Variants in ANXA7 observed in about 807,000 individuals in gnomAD.
The protein encoded by ANXA7 is annexin VII.
In ANXA7, 55 loss-of-function variants were observed where a neutral mutation model predicts 64.9. The observed-to-expected ratio is 0.85, with a 90% CI of 0.68 to 1.06. The LOEUF (loss-of-function observed/expected upper bound fraction) is 1.06, where lower values mean the gene tolerates loss of function less well. ANXA7 is among the 50% of genes least tolerant of loss of function. The probability of loss-of-function intolerance (pLI) is 0.00; values close to 1 mark genes in which losing one functional copy is unlikely to be tolerated. For missense variants in ANXA7, 548 were observed against 582.1 expected, an observed-to-expected ratio of 0.94 and a Z score of 0.60; for synonymous variants, 200 against 192.4, an observed-to-expected ratio of 1.04 and a Z score of -0.33.
At chr10:73,413,596 T>C (rs1350928723) in intron 1 of ANXA7, among the ~76,000 whole-genome samples, 1 of 152,176 alleles carries the variant, frequency 6.6e-6, no homozygotes, top group African/African-American at 2.4e-5. Context: ...AGTAAAAATT[T>C]CCCCAAGTTT....
intron 11 of ANXA7, among the ~76,000 whole-genome samples, chr10:73,379,327 C>T (rs1206982247): frequency 6.6e-6 from 1 of 152,132 alleles, no homozygotes; most frequent in East Asian, 1.9e-4. Context: ...CTGCCCCTGG[C>T]CCAACATTCC....
rs773991859 is a variant in ANXA7, at chr10:73,398,305, G to T, written c.135C>A (p.Ala45=). The T allele has an allele frequency of 1.2e-6, 2 of 1,614,110 alleles. No individual in the cohort carries two copies. The highest frequency in any genetic ancestry group is 4.5e-5 in the East Asian group (2 of 44,886). ...AGCCACTACTTGGCACTTGTGGGTA[G>T]GCACCTCCTCCCATTGGAGGAAAGC... is the stretch of plus-strand genomic sequence containing the variant. ...PSGFPPMGGG[A]YPQVPSSGYP... The change falls in exon 3 of 13, where the codon GCC becomes GCA. Residue 45 remains alanine (A), a synonymous_variant. Transcript: ENST00000372921.
chr10:73,380,325 G>C (rs1344374890), intron 9 of ANXA7, 124 bp from the exon 10 acceptor site: 1 of 935,528 alleles, frequency 1.1e-6, no homozygotes, highest in Admixed American at 2.8e-5. Context: ...ATAGGGTCTT[G>C]CTCTGTCACT....
chr10:73,403,501 AAAC>A (rs958497599), intron 1 of ANXA7, among the ~76,000 whole-genome samples: 5 of 152,156 alleles, frequency 3.3e-5, no homozygotes, highest in African/African-American at 1.2e-4. Flanking sequence ...AAAAAAAACA[AAAC>A]AACAACAACA....
chr10:73,386,747 C>T (rs2055379769), intron 7 of ANXA7, among the ~76,000 whole-genome samples: 1 of 152,074 alleles, frequency 6.6e-6, no homozygotes, highest in Admixed American at 6.6e-5. Flanking sequence ...AGCTCACTAA[C>T]AGCCTGACTT....
chr10:73,380,050 G>A lies in ANXA7; in HGVS notation c.1070C>T (p.Thr357Ile), dbSNP rs140458476. Reference sequence around the variant, plus strand: ...TCATACCCTAGAATAAGCCTCCATGGTAGCTCTCAGCTGAGGAAAGCTTCT... The same window carrying A: ...TCATACCCTAGAATAAGCCTCCATGATAGCTCTCAGCTGAGGAAAGCTTCT... ...ATRSFPQLRA[T>I]MEAYSRMANR... Residue 357 changes from threonine (T) to isoleucine (I), a missense_variant, in exon 10 of 13, where the codon ACC becomes ATC. Thr to Ile is a moderately conservative substitution (Grantham distance 89). Coordinates refer to ENST00000372921, the MANE Select transcript of ANXA7 (RefSeq NM_001156.5). 2 of 1,614,028 alleles carry A rather than the reference G, an allele frequency of 1.2e-6. No homozygotes were observed. The highest frequency in any genetic ancestry group is 2.7e-5 in the African/African-American group (2 of 75,018).
chr10:73,389,966 G>T (rs79708615), intron 5 of ANXA7, among the ~76,000 whole-genome samples: 15,917 of 152,066 alleles, frequency 0.1, 1,205 homozygotes, highest in East Asian at 0.3. Context: ...GGCTTAAGAG[G>T]GATGGGATGA....
In ANXA7 at chr10:73,380,149, G is replaced by A. The variant is rs752022153; in HGVS notation, c.971C>T (p.Ala324Val). 2 of 1,614,076 alleles carry A rather than the reference G, an allele frequency of 1.2e-6. No homozygotes were observed. Among genetic ancestry groups the A allele is most frequent in the Non-Finnish European group, 1.7e-6 (2 of 1,180,004 alleles). The change falls in exon 10 of 13, where the codon GCT (alanine) becomes GTT (valine). Residue 324 changes from alanine to valine, a missense_variant. Coordinates refer to ENST00000372921, the MANE Select transcript of ANXA7 (RefSeq NM_001156.5). ...CTCACCAGCTTGATAGAGACGCTGA[G>A]CATCTTCCTGAGCCATTTGGTGGTT... ...SINHQMAQED[A>V]QRLYQAGEGR...
intron 4 of ANXA7, 122 bp downstream of exon 4, chr10:73,397,041 AT>A (rs2055586915): frequency 2.1e-6 from 1 of 484,252 alleles, no homozygotes; most frequent in Non-Finnish European, 3.6e-6. Flanking sequence ...TATGTTTAAA[AT>A]TATTTATGGA....
chr10:73,406,732 G>C (rs1229553954), intron 1 of ANXA7, among the ~76,000 whole-genome samples: 2 of 151,854 alleles, frequency 1.3e-5, no homozygotes, highest in East Asian at 3.9e-4. Flanking sequence ...ACCATACCTG[G>C]CTAATTTTTT....
At chr10:73,405,363 G>A (rs895000136) in intron 1 of ANXA7, among the ~76,000 whole-genome samples, 25 of 150,998 alleles carry the variant, frequency 1.7e-4, no homozygotes, top group South Asian at 2.1e-4. Flanking sequence ...CCAACATGGT[G>A]AAACCCTGTC....
chr10:73,387,850 T>A, intron 6 of ANXA7, 67 bp from the exon 7 acceptor site: 1 of 953,408 alleles, frequency 1.0e-6, no homozygotes, highest in Non-Finnish European at 1.5e-6. Context: ...GGTCATCTTT[T>A]TTTTTTTTTT....
At chr10:73,396,363 G>C (rs553860996) in intron 5 of ANXA7, among the ~76,000 whole-genome samples, 156 bp downstream of exon 5, 1 of 152,148 alleles carries the variant, frequency 6.6e-6, no homozygotes, top group Admixed American at 6.5e-5. Context: ...TAAAGCAGAT[G>C]GACCAAAGAA....
intron 5 of ANXA7, among the ~76,000 whole-genome samples, chr10:73,391,210 C>A (rs945844620): frequency 1.3e-5 from 2 of 150,710 alleles, no homozygotes; most frequent in African/African-American, 4.9e-5. Flanking sequence ...GATCTGTGTT[C>A]TTGAGGTTAA....
At chr10:73,395,979 G>T in intron 5 of ANXA7, 1 of 995,062 alleles carries the variant, frequency 1.0e-6, no homozygotes, top group Non-Finnish European at 1.6e-6. Context: ...AAGTACATGA[G>T]AATCAGAAAC....
intron 1 of ANXA7, among the ~76,000 whole-genome samples, chr10:73,412,022 G>C (rs1430494159): frequency 1.3e-5 from 2 of 152,072 alleles, no homozygotes; most frequent in Non-Finnish European, 2.9e-5. Flanking sequence ...GGACACAATG[G>C]AGAAGACTAT....
intron 1 of ANXA7, among the ~76,000 whole-genome samples, chr10:73,410,611 G>A (rs1007775432): frequency 2.6e-5 from 4 of 151,878 alleles, no homozygotes; most frequent in African/African-American, 7.3e-5. Context: ...GGAGAAACCC[G>A]TCTCTACCAA....
chr10:73,376,255 G>A, intron 12 of ANXA7, 38 bp from the exon 13 acceptor site: 2 of 1,516,848 alleles, frequency 1.3e-6, no homozygotes, highest in African/African-American at 1.4e-5. Flanking sequence ...AAAAACATCT[G>A]TGACAACTGA....
chr10:73,384,200 C>T (rs1240129936), intron 7 of ANXA7, among the ~76,000 whole-genome samples: 1 of 152,104 alleles, frequency 6.6e-6, no homozygotes, highest in Non-Finnish European at 1.5e-5. Flanking sequence ...TTATTACACT[C>T]AAGCAGATCT....
Sources: allele counts gnomAD v4.1 joint callset (sites outside exome capture counted in the v4.1 genomes callset), GRCh38; gene constraint gnomAD v4.1.1; transcripts MANE v1.5; gene names NCBI Gene and HGNC (gene_info 2026-07-23, HGNC 2026-07-21).